The following PCDHGA7 variants were observed in gnomAD, a reference collection of about 807,000 sequenced individuals.
PCDHGA7 encodes the protein protocadherin gamma-A7.
A neutral mutation model predicts 58.3 loss-of-function variants in PCDHGA7; 44 were observed. The ratio of observed to expected loss-of-function variants is 0.75; its 90% CI spans 0.59 to 0.97. PCDHGA7 has a LOEUF of 0.97. PCDHGA7 is among the 50% of genes least tolerant of loss of function. PCDHGA7 has a pLI of 0.00. For missense variants in PCDHGA7, 1,266 were observed against 1,188.7 expected, an observed-to-expected ratio of 1.06 and a Z score of -0.96; for synonymous variants, 516 against 504.2, an observed-to-expected ratio of 1.02 and a Z score of -0.31.
chr5:141,478,096 T>C (rs749277013), intron 1 of PCDHGA7: 1 of 1,614,074 alleles, frequency 6.2e-7, no homozygotes, highest in South Asian at 1.1e-5. Context: ...CCACCACTGC[T>C]ACCCTCACTG....
intron 1 of PCDHGA7, chr5:141,422,844 G>A: frequency 6.2e-7 from 1 of 1,614,238 alleles, no homozygotes; most frequent in Non-Finnish European, 8.5e-7. Context: ...GTGACAGCGG[G>A]GACCCGCCCC....
chr5:141,505,450 G>T lies in PCDHGA7; in HGVS notation c.2541G>T (p.Met847Ile). Residue 847 changes from methionine (M) to isoleucine (I), a missense_variant, in exon 3 of 4, where the codon ATG becomes ATT. By Grantham distance (10) the Met-to-Ile change is conservative (BLOSUM62 1). Coordinates refer to ENST00000518325, the MANE Select transcript of PCDHGA7 (RefSeq NM_018920.4). ...TWPNNQFDTE[M>I]LQAMILASAS... ...CCAACAACCAGTTTGACACAGAGAT[G>T]CTGCAAGCCATGATCTTGGCGTCCG... 6.2e-7 allele frequency: 1 copy of T among 1,614,194 alleles called. No homozygotes were observed. The highest frequency in any genetic ancestry group is 8.5e-7 in the Non-Finnish European group (1 of 1,180,012).
chr5:141,417,525 C>G (rs1435259680), intron 1 of PCDHGA7: 1 of 272,692 alleles, frequency 3.7e-6, no homozygotes, highest in African/African-American at 2.2e-5. Flanking sequence ...GCTGTCAACT[C>G]GTAGTTTAAA....
chr5:141,420,722 A>T (rs1428516588), intron 1 of PCDHGA7, among the ~76,000 whole-genome samples: 4 of 152,226 alleles, frequency 2.6e-5, no homozygotes, highest in Admixed American at 6.5e-5. Flanking sequence ...CGTTCCTTTC[A>T]GTCGGTTAAA....
chr5:141,405,800 C>T (rs1034546914), intron 1 of PCDHGA7, among the ~76,000 whole-genome samples: 11 of 147,346 alleles, frequency 7.5e-5, no homozygotes, highest in African/African-American at 2.5e-4. Flanking sequence ...TTATAGTTAG[C>T]TTTCTCTTTA....
Position 141,408,343 on chromosome 5 carries a change from G to A in PCDHGA7, c.2424+23020G>A, listed in dbSNP as rs780878986. On this transcript the variant is annotated intron_variant, in intron 1 of 3. Transcript: ENST00000518325. Reference sequence around the variant, plus strand: ...AGGAGCTGGCCAAGGGCTCGGTGGTGGGGAACCTCGCTAAGGATCTAGGGC... The same window carrying A: ...AGGAGCTGGCCAAGGGCTCGGTGGTAGGGAACCTCGCTAAGGATCTAGGGC... The A allele has an allele frequency of 1.9e-6, 3 of 1,613,924 alleles. No individual in the cohort carries two copies. In the South Asian group the frequency reaches 3.3e-5, roughly 18 times the overall value.
In PCDHGA7 at chr5:141,393,826, A is replaced by T. The variant is rs1182278213; in HGVS notation, c.2424+8503A>T. 6.2e-7 allele frequency: 1 copy of T among 1,613,988 alleles called. No homozygotes were observed. Among genetic ancestry groups the T allele is most frequent in the African/African-American group, 1.3e-5 (1 of 75,050 alleles). Reference sequence around the variant, plus strand: ...AGGACCAAATTGCTCATTTCGGTGGAAGATGTAAATGACAATAGACCAGAA... The same window carrying T: ...AGGACCAAATTGCTCATTTCGGTGGTAGATGTAAATGACAATAGACCAGAA... On this transcript the variant is annotated intron_variant, in intron 1 of 3. Coordinates refer to ENST00000518325, the MANE Select transcript of PCDHGA7 (RefSeq NM_018920.4).
chr5:141,423,996 A>G (rs1164307988), intron 1 of PCDHGA7: 1 of 1,079,028 alleles, frequency 9.3e-7, no homozygotes, highest in African/African-American at 1.7e-5. Context: ...AATTTATTAT[A>G]TATAGATACA....
intron 3 of PCDHGA7, among the ~76,000 whole-genome samples, chr5:141,506,402 G>A (rs1032556978): frequency 2.8e-5 from 4 of 143,790 alleles, no homozygotes; most frequent in East Asian, 2.0e-4. Flanking sequence ...GCAGAAAATC[G>A]CACCACTGCA....
chr5:141,494,759 C>A (rs776923097), intron 1 of PCDHGA7, 48 bp from the exon 2 acceptor site: 3 of 1,613,886 alleles, frequency 1.9e-6, no homozygotes, highest in Non-Finnish European at 2.5e-6. Context: ...GGGTGACATT[C>A]TAACTTCTCA....
chr5:141,490,419 G>C lies in PCDHGA7; in HGVS notation c.2425-4388G>C. The C allele has an allele frequency of 6.2e-7, 1 of 1,614,170 alleles. No homozygotes were observed. Among genetic ancestry groups the C allele is most frequent in the Non-Finnish European group, 8.5e-7 (1 of 1,180,020 alleles). ...TGAGCCTTGATATCTCTCCGGACCT[G>C]CCATTTCAGATTAAGCCTTCTGAGA... On this transcript the variant is annotated intron_variant, in intron 1 of 3. Transcript: ENST00000518325. The surrounding 1 kb of genome is among the most constrained non-coding windows in gnomAD (Gnocchi z 5.4).
At chr5:141,417,699 C>A (rs2096148616) in intron 1 of PCDHGA7, 1 of 1,164,548 alleles carries the variant, frequency 8.6e-7, no homozygotes, top group Non-Finnish European at 1.2e-6. Context: ...AACCAGCTCC[C>A]ACACAGAGGC....
At position 141,409,805 on chromosome 5, in the gene PCDHGA7, C is replaced by A. The variant is rs751397816; in HGVS notation, c.2424+24482C>A. On this transcript the variant is annotated intron_variant, in intron 1 of 3. Transcript: ENST00000518325. ...CGCCTTCGCGCTCACGCTGCAGGCC[C>A]GCGACCACGGCTCGCCCACGCTCAG... is the stretch of plus-strand genomic sequence containing the variant. 14 of 1,611,512 alleles carry A rather than the reference C, an allele frequency of 8.7e-6. No homozygotes were observed. Among genetic ancestry groups the A allele is most frequent in the Middle Eastern group, 1.6e-4 (1 of 6,072 alleles).
At position 141,384,676 on chromosome 5, in the gene PCDHGA7, G is replaced by A; in HGVS notation, c.1777G>A (p.Ala593Thr). The A allele has an allele frequency of 2.5e-6, 4 of 1,614,214 alleles. No individual in the cohort carries two copies. Among genetic ancestry groups the A allele is most frequent in the Non-Finnish European group, 3.4e-6 (4 of 1,180,046 alleles). The change falls in exon 1 of 4, where the codon GCG becomes ACG. Residue 593 changes from alanine to threonine, a missense_variant. Physicochemically the swap from Ala to Thr is moderately conservative, Grantham distance 58. Coordinates refer to ENST00000518325, the MANE Select transcript of PCDHGA7 (RefSeq NM_018920.4). The stretch of plus-strand genomic sequence containing the variant: ...CGGCTACCTGGTGACCAAGGTGGTG[G>A]CGGTGGACAAAGATTCAGGCCAGAA... ...EPGYLVTKVV[A>T]VDKDSGQNAW...
intron 1 of PCDHGA7, chr5:141,422,354 A>G: frequency 6.4e-7 from 1 of 1,557,090 alleles, no homozygotes; most frequent in Non-Finnish European, 8.6e-7. Flanking sequence ...CAAGATCAAG[A>G]TTCTGGAGAA....
At chr5:141,405,407 CT>C (rs762612492) in intron 1 of PCDHGA7, 3 of 1,582,042 alleles carry the variant, frequency 1.9e-6, no homozygotes, top group South Asian at 1.1e-5. Context: ...TCTTTCTTTT[CT>C]TTTTTTGTTT....
intron 1 of PCDHGA7, chr5:141,415,452 C>G (rs2095870569): frequency 1.9e-6 from 3 of 1,614,122 alleles, no homozygotes; most frequent in Admixed American, 1.7e-5. Context: ...CCTATTCCCA[C>G]GAGGTCTCTC....
At chr5:141,403,616 C>G (rs2094434764) in intron 1 of PCDHGA7, 11 of 1,613,892 alleles carry the variant, frequency 6.8e-6, no homozygotes, top group Non-Finnish European at 9.3e-6. Flanking sequence ...CGAGCCGCGT[C>G]GCTCCAGCAC....
rs1487863444 is a variant in PCDHGA7 at position 141,491,016 on chromosome 5, G to A, written c.2425-3791G>A. On this transcript the variant is annotated intron_variant, in intron 1 of 3. Transcript: ENST00000518325. This position sits in a 1 kb window ranked among gnomAD's most constrained non-coding sequence, Gnocchi z 6.9. ...CTCCTGGCTCCTTGGTCACCAAGGTGACAGCCGTGGATGCTGATGCAGGCC... is the reference window on the plus strand; with the variant it reads ...CTCCTGGCTCCTTGGTCACCAAGGTAACAGCCGTGGATGCTGATGCAGGCC... 2.5e-6 allele frequency: 4 copies of A among 1,614,136 alleles called. No individual in the cohort carries two copies. The African/African-American group carries it at 5.3e-5, about 22-fold the overall frequency.
Sources: gnomAD v4.1 joint callset for allele counts (sites outside exome capture counted in the v4.1 genomes callset) on GRCh38, gnomAD v4.1.1 for gene constraint, Gnocchi (gnomAD v3.1) non-coding constraint, MANE v1.5 for transcripts, NCBI Gene and HGNC (gene_info 2026-07-23, HGNC 2026-07-21) for gene names.